Variants in STXBP5L observed in about 807,000 individuals in gnomAD.
STXBP5L encodes the protein syntaxin-binding protein 5-like.
In STXBP5L, 65 loss-of-function variants were observed where a neutral mutation model predicts 144.5. That is an observed-to-expected ratio of 0.45 (90% CI 0.37 to 0.55). STXBP5L has a LOEUF of 0.55. STXBP5L is among the 20% of genes least tolerant of loss of function. The pLI, the probability that STXBP5L is intolerant of heterozygous loss-of-function variation, is 0.00. For synonymous variants in STXBP5L, 505 were observed against 469.6 expected, an observed-to-expected ratio of 1.08 and a Z score of -0.97; for missense variants, 1,298 against 1,405.5, an observed-to-expected ratio of 0.92 and a Z score of 1.22.
chr3:121,218,179 T>C (rs560069259), intron 10 of STXBP5L, among the ~76,000 whole-genome samples: 1 of 141,772 alleles, frequency 7.1e-6, no homozygotes, highest in African/African-American at 2.6e-5. Context: ...ATACTATATA[T>C]AGTATGATAT....
intron 19 of STXBP5L, among the ~76,000 whole-genome samples, chr3:121,311,758 C>T (rs934249189): frequency 3.9e-5 from 6 of 152,122 alleles, no homozygotes; most frequent in Admixed American, 1.3e-4. Context: ...GTGAAAATGG[C>T]CATATTGCCC....
intron 10 of STXBP5L, among the ~76,000 whole-genome samples, chr3:121,213,419 G>A (rs544619697): frequency 6.6e-6 from 1 of 152,104 alleles, no homozygotes; most frequent in African/African-American, 2.4e-5. Flanking sequence ...TAGCATGAAG[G>A]GGTGTTGAAT....
At chr3:121,192,023 C>A (rs1245154175) in intron 9 of STXBP5L, among the ~76,000 whole-genome samples, 1 of 151,940 alleles carries the variant, frequency 6.6e-6, no homozygotes, top group Non-Finnish European at 1.5e-5. Context: ...TGCAGCACAC[C>A]AACATGGCAC....
chr3:121,409,463 CTT>C (rs2047069164), intron 23 of STXBP5L, among the ~76,000 whole-genome samples: 1 of 151,862 alleles, frequency 6.6e-6, no homozygotes, highest in Non-Finnish European at 1.5e-5. Flanking sequence ...GAAAGCAAAT[CTT>C]AGCAGCATGG....
intron 19 of STXBP5L, among the ~76,000 whole-genome samples, chr3:121,291,377 T>C (rs1262395846): frequency 6.6e-6 from 1 of 152,058 alleles, no homozygotes; most frequent in Admixed American, 6.6e-5. Context: ...CAAGGAAAAC[T>C]ACAAAACACT....
Position 121,055,884 on chromosome 3 carries a change from A to G in STXBP5L, c.470+10349A>G, listed in dbSNP as rs1237372678. ...TTTTTTTTTTTTTTTGTAGAAACAG[A>G]TTCTCTCCATGTTGCCCAGGCTGAT... On this transcript the variant is annotated intron_variant, in intron 5 of 26. Coordinates refer to ENST00000471454, the MANE Select transcript of STXBP5L (RefSeq NM_001308330.2). Among the ~76,000 whole-genome samples, 3 of 145,388 alleles carry G rather than the reference A, an allele frequency of 2.1e-5. 1 individual carries two copies. The highest frequency in any genetic ancestry group is 4.4e-4 in the South Asian group (2 of 4,564).
At chr3:120,984,632 C>CTTTTTTTTTTTTTTTTTTTTTTCT (rs35656223) in intron 3 of STXBP5L, among the ~76,000 whole-genome samples, 1 of 71,958 alleles carries the variant, frequency 1.4e-5, no homozygotes, top group Non-Finnish European at 2.4e-5. Context: ...TCTTTCTTTC[C>CTTTTTTTTTTTTTTTTTTTTTTCT]TTTTTTTTTT....
intron 5 of STXBP5L, among the ~76,000 whole-genome samples, chr3:121,083,651 A>G (rs1013867017): frequency 1.4e-5 from 2 of 147,092 alleles, no homozygotes; most frequent in Non-Finnish European, 3.0e-5. Flanking sequence ...CAACAGAGTG[A>G]CACTCTGTCT....
At chr3:121,293,897 G>A (rs375753876) in intron 19 of STXBP5L, among the ~76,000 whole-genome samples, 37 of 152,110 alleles carry the variant, frequency 2.4e-4, no homozygotes, top group African/African-American at 8.9e-4. Flanking sequence ...GAAGGTTCTA[G>A]GATGGTAAAG....
chr3:121,249,414 C>A (rs1384800677), intron 14 of STXBP5L, among the ~76,000 whole-genome samples: 1 of 152,100 alleles, frequency 6.6e-6, no homozygotes, highest in Non-Finnish European at 1.5e-5. Flanking sequence ...GCATACAGAT[C>A]TGGCACAAAT....
chr3:121,033,597 T>A (rs968317642), intron 3 of STXBP5L, among the ~76,000 whole-genome samples: 75 of 148,554 alleles, frequency 5.0e-4, no homozygotes, highest in African/African-American at 1.6e-3. Flanking sequence ...CATTAAAAAA[T>A]AAATAAATAA....
chr3:120,954,169 G>A lies in STXBP5L; in HGVS notation c.190-771G>A, dbSNP rs953490798. Among the ~76,000 whole-genome samples, 10 of 152,002 alleles carry A rather than the reference G, an allele frequency of 6.6e-5. No individual in the cohort carries two copies. In the East Asian group the frequency reaches 1.7e-3, roughly 26 times the overall value. On this transcript the variant is annotated intron_variant, in intron 2 of 26. Transcript: ENST00000471454. ...GTATACTTTACCCTTTAACACCTCC[G>A]TATACATAACATTGAATAGATTTTA...
At chr3:120,978,338 A>T (rs530441815) in intron 3 of STXBP5L, among the ~76,000 whole-genome samples, 22 of 152,284 alleles carry the variant, frequency 1.4e-4, no homozygotes, top group African/African-American at 4.8e-4. Flanking sequence ...TGTTCGCATC[A>T]GCTCTTGAGG....
chr3:121,351,411 C>A (rs907548922), intron 20 of STXBP5L, among the ~76,000 whole-genome samples: 7 of 152,096 alleles, frequency 4.6e-5, no homozygotes, highest in Non-Finnish European at 4.4e-5. Context: ...GGGTTAGGGA[C>A]CCACTTGAGG....
At chr3:120,950,685 C>T (rs957793328) in intron 2 of STXBP5L, among the ~76,000 whole-genome samples, 3 of 152,282 alleles carry the variant, frequency 2.0e-5, no homozygotes, top group South Asian at 2.1e-4. Flanking sequence ...ACATTCCATG[C>T]TCATGGGTAG....
intron 20 of STXBP5L, among the ~76,000 whole-genome samples, chr3:121,338,400 T>G (rs1309810253): frequency 6.6e-6 from 1 of 151,576 alleles, no homozygotes; most frequent in Non-Finnish European, 1.5e-5. Context: ...TCCCAGCACT[T>G]TGGGAGTCTG....
chr3:120,954,645 A>G (rs1937819952), intron 2 of STXBP5L, among the ~76,000 whole-genome samples: 3 of 152,088 alleles, frequency 2.0e-5, no homozygotes, highest in Non-Finnish European at 1.5e-5. Flanking sequence ...TTATGAACAT[A>G]TGCTTTTAAT....
chr3:121,043,022 T>A (rs1421706465), intron 4 of STXBP5L, among the ~76,000 whole-genome samples: 1 of 151,928 alleles, frequency 6.6e-6, no homozygotes, highest in Non-Finnish European at 1.5e-5. Context: ...TTCCATGTGA[T>A]TTGTACTGGG....
At chr3:121,062,937 G>C (rs776743005) in intron 5 of STXBP5L, among the ~76,000 whole-genome samples, 2 of 152,092 alleles carry the variant, frequency 1.3e-5, no homozygotes, top group African/African-American at 2.4e-5. Flanking sequence ...TAGCTTCCTT[G>C]CATTGGGTTA....
Sources: gnomAD v4.1 joint callset for allele counts (sites outside exome capture counted in the v4.1 genomes callset) on GRCh38, gnomAD v4.1.1 for gene constraint, MANE v1.5 for transcripts, NCBI Gene and HGNC (gene_info 2026-07-23, HGNC 2026-07-21) for gene names.